The following DEPDC5 variants were observed in gnomAD, a reference collection of about 807,000 sequenced individuals.
DEPDC5 encodes the protein DEP domain containing 5, GATOR1 subcomplex subunit.
DEPDC5 carries 73 observed loss-of-function variants against 217.3 expected under a neutral mutation model. The ratio of observed to expected loss-of-function variants is 0.34; its 90% CI spans 0.28 to 0.41. The LOEUF (loss-of-function observed/expected upper bound fraction) is 0.41, where lower values mean the gene tolerates loss of function less well. Among genes scored for constraint, DEPDC5 ranks in the 10% least tolerant of loss-of-function variants. The pLI, the probability that DEPDC5 is intolerant of heterozygous loss-of-function variation, is 1.00. For synonymous variants in DEPDC5, 733 were observed against 756.7 expected, an observed-to-expected ratio of 0.97 and a Z score of 0.51; for missense variants, 1,675 against 2,070.1, an observed-to-expected ratio of 0.81 and a Z score of 3.70.
intron 10 of DEPDC5, among the ~76,000 whole-genome samples, chr22:31,785,361 C>T (rs1365395390): frequency 3.9e-5 from 6 of 152,026 alleles, no homozygotes; most frequent in Admixed American, 6.6e-5. Context: ...TTCTATATAC[C>T]AGCAATAAAC....
chr22:31,876,185 A>T lies in DEPDC5; in HGVS notation c.3725A>T (p.His1242Leu). 1 of 1,614,150 alleles carries T rather than the reference A, an allele frequency of 6.2e-7. No homozygotes were observed. The highest frequency in any genetic ancestry group is 8.5e-7 in the Non-Finnish European group (1 of 1,180,012). ...QKMLEEQLIT[H>L]ASGEAWRTFI... is the part of the protein sequence containing the mutation. The stretch of plus-strand genomic sequence containing the variant: ...ATGCTGGAAGAGCAGCTCATCACAC[A>T]TGCATCTGGCGAAGCCTGGCGGACC... Residue 1242 changes from histidine to leucine, a missense_variant, in exon 37 of 43, where the codon CAT becomes CTT. Around this residue, in one of 11 missense-constraint regions of DEPDC5, gnomAD observed 194 missense variants for 199.3 expected, o/e 0.97. Coordinates refer to ENST00000651528, the MANE Select transcript of DEPDC5 (RefSeq NM_001242896.3).
intron 33 of DEPDC5, among the ~76,000 whole-genome samples, chr22:31,870,001 G>A (rs1332872194): frequency 1.3e-5 from 2 of 152,200 alleles, no homozygotes; most frequent in Non-Finnish European, 2.9e-5. Flanking sequence ...AGGGCAGGCC[G>A]TGGGACTAGG....
At chr22:31,766,911 G>A (rs2082865666) in intron 6 of DEPDC5, among the ~76,000 whole-genome samples, 1 of 152,036 alleles carries the variant, frequency 6.6e-6, no homozygotes, top group South Asian at 2.1e-4. Context: ...ATTTTACATT[G>A]GAATAGAACC....
intron 26 of DEPDC5, chr22:31,837,373 G>A: frequency 3.4e-6 from 2 of 590,644 alleles, no homozygotes; most frequent in Non-Finnish European, 5.8e-6. Context: ...TTAACTGAGA[G>A]AGGGTCTCAC....
intron 31 of DEPDC5, 128 bp downstream of exon 31, chr22:31,847,095 T>C (rs2149039412): frequency 4.4e-6 from 6 of 1,371,560 alleles, no homozygotes; most frequent in Non-Finnish European, 6.0e-6. Context: ...AAGGCATTTA[T>C]GTGAAAAGGA....
At chr22:31,823,532 CAAAAAAAAAAA>C (rs375009177) in intron 24 of DEPDC5, among the ~76,000 whole-genome samples, 1 of 52,246 alleles carries the variant, frequency 1.9e-5, no homozygotes. Flanking sequence ...GACTCCATCT[CAAAAAAAAAAA>C]AAAAAAAAAA....
Position 31,788,096 on chromosome 22 carries a change from A to T in DEPDC5, c.624+3221A>T, listed in dbSNP as rs1023102643. Among the ~76,000 whole-genome samples, 5 of 149,810 alleles carry T rather than the reference A, an allele frequency of 3.3e-5. No individual in the cohort carries two copies. In the Admixed American group the frequency reaches 3.7e-4, roughly 11 times the overall value. On this transcript the variant is annotated intron_variant, in intron 10 of 42. Coordinates refer to ENST00000651528, the MANE Select transcript of DEPDC5 (RefSeq NM_001242896.3). ...ACCCATAAAAATTAAAAAATAATTA[A>T]AATAATTAAAAAAACAAATGGGCAA...
chr22:31,861,321 C>T (rs758027495), intron 32 of DEPDC5, 47 bp from the exon 33 acceptor site: 98 of 1,537,720 alleles, frequency 6.4e-5, no homozygotes, highest in Middle Eastern at 1.7e-4. Flanking sequence ...TCCGTTTCTT[C>T]GCTTCCTTGC....
chr22:31,760,796 T>C (rs2082324131), intron 4 of DEPDC5, 94 bp downstream of exon 4: 1 of 1,029,412 alleles, frequency 9.7e-7, no homozygotes, highest in African/African-American at 1.6e-5. Flanking sequence ...TGAGGGCAAG[T>C]AATTCTCTTC....
At chr22:31,803,743 C>CAA (rs112879884) in intron 15 of DEPDC5, among the ~76,000 whole-genome samples, 1 of 140,640 alleles carries the variant, frequency 7.1e-6, no homozygotes, top group African/African-American at 2.6e-5. Context: ...GCAAGACTGT[C>CAA]AAAAAAAAAA....
intron 36 of DEPDC5, 21 bp from the exon 37 acceptor site, chr22:31,876,134 CAG>C: frequency 6.2e-7 from 1 of 1,611,110 alleles, no homozygotes; most frequent in Non-Finnish European, 8.5e-7. Flanking sequence ...GCAGGAATTT[CAG>C]AGTTTCAATG....
intron 37 of DEPDC5, among the ~76,000 whole-genome samples, chr22:31,877,153 C>T (rs1016891697): frequency 1.3e-5 from 2 of 151,306 alleles, no homozygotes; most frequent in Admixed American, 6.6e-5. Context: ...AAACAACAGC[C>T]GGCTGGGCAC....
chr22:31,891,100 T>C, intron 38 of DEPDC5: 1 of 400,484 alleles, frequency 2.5e-6, no homozygotes, highest in Non-Finnish European at 4.8e-6. Context: ...AACAACACAA[T>C]CTAGGTCAAT....
At position 31,833,828 on chromosome 22, in the gene DEPDC5, T is replaced by C. The variant is rs2090780574; in HGVS notation, c.2105-87T>C. 3 of 1,105,330 alleles carry C rather than the reference T, an allele frequency of 2.7e-6. No individual in the cohort carries two copies. In the Admixed American group the frequency reaches 7.1e-5, roughly 26 times the overall value. The allele number at this position is 1,105,330 out of a possible 1,614,324, so 68.5% of individuals were successfully genotyped here. A position where few individuals can be genotyped will look rare whatever the true frequency, so the allele number is the denominator to read the frequency against. ...CTTGGTTTACATTTTTATTTTTAGCTCCAGTTTGCCTTTTTCAACCATAAC... is the reference window on the plus strand; with the variant it reads ...CTTGGTTTACATTTTTATTTTTAGCCCCAGTTTGCCTTTTTCAACCATAAC... On this transcript the variant is annotated intron_variant, in intron 24 of 42. Transcript: ENST00000651528.
intron 15 of DEPDC5, among the ~76,000 whole-genome samples, chr22:31,803,653 G>A (rs2087141727): frequency 6.6e-6 from 1 of 152,026 alleles, no homozygotes; most frequent in South Asian, 2.1e-4. Flanking sequence ...CGCTGAGGCA[G>A]TAGAATTGCT....
At chr22:31,890,313 T>G (rs576734258) in intron 38 of DEPDC5, 1 of 152,308 alleles carries the variant, frequency 6.6e-6, no homozygotes, top group South Asian at 2.1e-4. Flanking sequence ...TGTTCTAGGT[T>G]TTTGTTTGTT....
At chr22:31,807,876 G>T (rs543234031) in intron 18 of DEPDC5, among the ~76,000 whole-genome samples, 6 of 152,268 alleles carry the variant, frequency 3.9e-5, no homozygotes, top group Admixed American at 3.9e-4. Flanking sequence ...GTGGCTGTGT[G>T]TCAGGGCCTC....
chr22:31,787,561 C>T (rs1373929613), intron 10 of DEPDC5, among the ~76,000 whole-genome samples: 1 of 152,056 alleles, frequency 6.6e-6, no homozygotes, highest in African/African-American at 2.4e-5. Flanking sequence ...AATCCCAGCA[C>T]TTTGGGAGGC....
At position 31,834,225 on chromosome 22, in the gene DEPDC5, C is replaced by T. The variant is rs937991626; in HGVS notation, c.2170+245C>T. 1.4e-5 allele frequency: 7 copies of T among 516,732 alleles called. No homozygotes were observed. The Admixed American group carries it at 2.0e-4, about 15-fold the overall frequency. 32.0% of individuals were successfully genotyped at this position (516,732 alleles called of 1,614,324 possible). A position where few individuals can be genotyped will look rare whatever the true frequency, so the allele number is the denominator to read the frequency against. ...GGGCACCTGGGAAAGGTAGCAGATTCCCTATAAGGCCCCCATGCTGGTCCA... is the reference window on the plus strand; with the variant it reads ...GGGCACCTGGGAAAGGTAGCAGATTTCCTATAAGGCCCCCATGCTGGTCCA... On this transcript the variant is annotated intron_variant, in intron 25 of 42. Transcript: ENST00000651528.
Sources: gnomAD v4.1 joint callset for allele counts (sites outside exome capture counted in the v4.1 genomes callset) on GRCh38, gnomAD v4.1.1 for gene constraint, gnomAD v4.1.1 regional missense constraint, MANE v1.5 for transcripts, NCBI Gene and HGNC (gene_info 2026-07-23, HGNC 2026-07-21) for gene names.